Variants in SEMA5A observed in about 807,000 individuals in gnomAD.
SEMA5A encodes semaphorin 5A.
Under a neutral mutation model 135.5 loss-of-function variants are expected in SEMA5A, and 55 were observed. That is an observed-to-expected ratio of 0.41 (90% CI 0.33 to 0.51). The LOEUF is 0.51. Among genes scored for constraint, SEMA5A ranks in the 20% least tolerant of loss-of-function variants. The pLI is 0.37. For synonymous variants in SEMA5A, 580 were observed against 546.5 expected, an observed-to-expected ratio of 1.06 and a Z score of -0.85; for missense variants, 1,290 against 1,419.9, an observed-to-expected ratio of 0.91 and a Z score of 1.47.
rs557044173 is a variant in SEMA5A at position 9,237,755 on chromosome 5, T to C, written c.333+73A>G. 2.8e-5 allele frequency: 38 copies of C among 1,358,784 alleles called. 1 individual carries two copies. The South Asian group carries it at 4.2e-4, about 15-fold the overall frequency. 84.2% of individuals were successfully genotyped at this position (1,358,784 alleles called of 1,614,324 possible). Reference sequence around the variant, plus strand: ...GCACCGTAATCAGGAATACTCTTCATATCAACATGCTTTATATAGTGTAGA... The same window carrying C: ...GCACCGTAATCAGGAATACTCTTCACATCAACATGCTTTATATAGTGTAGA... On this transcript the variant is annotated intron_variant, in intron 6 of 22. Transcript: ENST00000382496.
intron 11 of SEMA5A, among the ~76,000 whole-genome samples, chr5:9,173,909 T>C (rs1357231878): frequency 6.6e-6 from 1 of 152,188 alleles, no homozygotes; most frequent in Non-Finnish European, 1.5e-5. Flanking sequence ...CATAACATTA[T>C]GAAACTCCAC....
intron 3 of SEMA5A, among the ~76,000 whole-genome samples, chr5:9,348,127 G>C (rs1327141604): frequency 6.6e-6 from 1 of 152,200 alleles, no homozygotes; most frequent in African/African-American, 2.4e-5. Flanking sequence ...AGTGCAAAGA[G>C]ACACTAGTGA....
intron 5 of SEMA5A, among the ~76,000 whole-genome samples, chr5:9,302,597 A>G (rs1377939125): frequency 6.6e-6 from 1 of 152,190 alleles, no homozygotes; most frequent in African/African-American, 2.4e-5. Context: ...TCTCAGTGCA[A>G]ATATGCAATG....
At chr5:9,393,095 A>C (rs979677934) in intron 2 of SEMA5A, among the ~76,000 whole-genome samples, 3 of 152,218 alleles carry the variant, frequency 2.0e-5, no homozygotes, top group Non-Finnish European at 4.4e-5. Flanking sequence ...TTAGCCTGAA[A>C]TGTGGAGAGG....
intron 5 of SEMA5A, among the ~76,000 whole-genome samples, chr5:9,310,892 A>G (rs1561133719): frequency 6.6e-6 from 1 of 150,790 alleles, no homozygotes; most frequent in East Asian, 1.9e-4. Flanking sequence ...ATACATGAAC[A>G]CACATATGAA....
intron 21 of SEMA5A, 47 bp downstream of exon 21, chr5:9,050,363 G>C: frequency 5.3e-6 from 8 of 1,512,914 alleles, no homozygotes; most frequent in Non-Finnish European, 6.3e-6. Flanking sequence ...GAAATGATTA[G>C]AATATATCAG....
chr5:9,050,976 G>C (rs1265613519), intron 20 of SEMA5A, among the ~76,000 whole-genome samples: 1 of 152,224 alleles, frequency 6.6e-6, no homozygotes, highest in Non-Finnish European at 1.5e-5. Flanking sequence ...AGGATGCAGA[G>C]AGAGGCCACA....
At chr5:9,196,861 A>G (rs985394427) in intron 10 of SEMA5A, among the ~76,000 whole-genome samples, 2 of 152,190 alleles carry the variant, frequency 1.3e-5, no homozygotes, top group African/African-American at 4.8e-5. Context: ...GAGGACACAG[A>G]GCCCAGCATC....
chr5:9,042,745 G>A lies in SEMA5A; in HGVS notation c.*152C>T, dbSNP rs945502636. 1 of 828,630 alleles carries A rather than the reference G, an allele frequency of 1.2e-6. No homozygotes were observed. Among genetic ancestry groups the A allele is most frequent in the Non-Finnish European group, 1.9e-6 (1 of 528,772 alleles). 51.3% of individuals were successfully genotyped at this position (828,630 alleles called of 1,614,324 possible). A position where few individuals can be genotyped will look rare whatever the true frequency, so the allele number is the denominator to read the frequency against. ...CAATTTTTGTTGCTTTTAAAGACGTGTATTTTTGGCAGCAATGGGACACTC... is the reference window on the plus strand; with the variant it reads ...CAATTTTTGTTGCTTTTAAAGACGTATATTTTTGGCAGCAATGGGACACTC... On this transcript the variant is annotated 3_prime_UTR_variant, in exon 23 of 23. Coordinates refer to ENST00000382496, the MANE Select transcript of SEMA5A (RefSeq NM_003966.3).
chr5:9,516,486 T>C (rs1736527248), intron 1 of SEMA5A: 1 of 109,330 alleles, frequency 9.1e-6, no homozygotes. Context: ...GTGAAGGTTA[T>C]AACGCCCACT....
At chr5:9,048,470 T>A (rs1015787581) in intron 21 of SEMA5A, among the ~76,000 whole-genome samples, 2 of 152,220 alleles carry the variant, frequency 1.3e-5, no homozygotes, top group Non-Finnish European at 2.9e-5. Context: ...CCTGAACCAT[T>A]TTCTGTAGAC....
intron 1 of SEMA5A, among the ~76,000 whole-genome samples, chr5:9,515,598 C>T (rs1736466114): frequency 6.6e-6 from 1 of 152,102 alleles, no homozygotes; most frequent in Admixed American, 6.6e-5. Flanking sequence ...CTTGCAGCTG[C>T]TAACAAATGA....
At chr5:9,118,919 A>G in intron 15 of SEMA5A, 79 bp downstream of exon 15, 1 of 1,540,790 alleles carries the variant, frequency 6.5e-7, no homozygotes, top group Non-Finnish European at 8.7e-7. Flanking sequence ...ATCCAAAACT[A>G]AAACCGCGGG....
chr5:9,401,306 G>T (rs936038229), intron 2 of SEMA5A, among the ~76,000 whole-genome samples: 1 of 152,150 alleles, frequency 6.6e-6, no homozygotes, highest in African/African-American at 2.4e-5. Flanking sequence ...ATATTTTACT[G>T]TACAGTGTGT....
Position 9,545,135 on chromosome 5 carries a change from G to T in SEMA5A, c.-175+449C>A, listed in dbSNP as rs1334433092. The stretch of plus-strand genomic sequence containing the variant: ...GAAAGCAGGAAAACCTGCCCAAGCC[G>T]GTGGGGCTGCGAGGTGGCCGCTCCC... On this transcript the variant is annotated intron_variant, in intron 1 of 22. Transcript: ENST00000382496. The surrounding 1 kb of genome is among the most constrained non-coding windows in gnomAD (Gnocchi z 4.5). Among the ~76,000 whole-genome samples, 2 of 152,130 alleles carry T rather than the reference G, an allele frequency of 1.3e-5. No homozygotes were observed. The highest frequency in any genetic ancestry group is 6.5e-5 in the Admixed American group (1 of 15,280).
intron 5 of SEMA5A, among the ~76,000 whole-genome samples, chr5:9,251,134 C>T (rs1278868481): frequency 2.0e-5 from 3 of 152,092 alleles, no homozygotes; most frequent in Non-Finnish European, 2.9e-5. Flanking sequence ...GGCTAGTGTT[C>T]TCCCTCTGTC....
chr5:9,327,641 G>T (rs1041425134), intron 4 of SEMA5A, among the ~76,000 whole-genome samples: 2 of 152,048 alleles, frequency 1.3e-5, no homozygotes, highest in Non-Finnish European at 2.9e-5. Context: ...AAACAATGCC[G>T]CCAGCAAATC....
chr5:9,276,718 T>C (rs1750282641), intron 5 of SEMA5A, among the ~76,000 whole-genome samples: 1 of 152,186 alleles, frequency 6.6e-6, no homozygotes, highest in Admixed American at 6.5e-5. Flanking sequence ...GGGAAAGGAT[T>C]CCCTCTTTAA....
chr5:9,504,926 CT>C (rs1735793134), intron 1 of SEMA5A, among the ~76,000 whole-genome samples: 1 of 152,244 alleles, frequency 6.6e-6, no homozygotes, highest in Non-Finnish European at 1.5e-5. Context: ...ATTTTCCTCT[CT>C]GTTTTCCTCA....
Sources: gnomAD v4.1 joint callset for allele counts (sites outside exome capture counted in the v4.1 genomes callset) on GRCh38, gnomAD v4.1.1 for gene constraint, Gnocchi (gnomAD v3.1) non-coding constraint, MANE v1.5 for transcripts, NCBI Gene and HGNC (gene_info 2026-07-23, HGNC 2026-07-21) for gene names.